The following SRBD1 variants were observed in gnomAD, a reference collection of about 807,000 sequenced individuals.
SRBD1 encodes S1 RNA-binding domain-containing protein 1.
SRBD1 carries 88 observed loss-of-function variants against 115.3 expected under a neutral mutation model. The observed-to-expected ratio is 0.76, with a 90% confidence interval of 0.64 to 0.91. SRBD1 has a LOEUF of 0.91. SRBD1 is among the 40% of genes least tolerant of loss of function. SRBD1 has a pLI of 0.00. For synonymous variants in SRBD1, 509 were observed against 407.7 expected (o/e 1.25, Z -2.99); for missense variants, 1,385 against 1,177.4 (o/e 1.18, Z -2.58).
At chr2:45,392,869 G>A (rs1280536179) in intron 20 of SRBD1, 76 bp downstream of exon 20, 1 of 1,325,598 alleles carries the variant, frequency 7.5e-7, no homozygotes, top group Non-Finnish European at 1.0e-6. Flanking sequence ...TATGGCATAG[G>A]ATTGCTGTGA....
At chr2:45,435,956 C>T (rs1033584016) in intron 16 of SRBD1, among the ~76,000 whole-genome samples, 1 of 152,032 alleles carries the variant, frequency 6.6e-6, no homozygotes. Context: ...AAAGACATTA[C>T]AAGAAAATGA....
chr2:45,484,063 T>C (rs760580091), intron 15 of SRBD1, among the ~76,000 whole-genome samples: 1 of 152,106 alleles, frequency 6.6e-6, no homozygotes, highest in African/African-American at 2.4e-5. Context: ...TCTCTGAGAA[T>C]GTTAAACTTT....
intron 19 of SRBD1, among the ~76,000 whole-genome samples, chr2:45,408,031 T>C (rs767635335): frequency 1.4e-4 from 21 of 152,200 alleles, no homozygotes; most frequent in Admixed American, 2.6e-4. Context: ...ATGTTACATT[T>C]TGATGTATTT....
chr2:45,523,043 A>G (rs1324994559), intron 14 of SRBD1, among the ~76,000 whole-genome samples: 1 of 152,160 alleles, frequency 6.6e-6, no homozygotes, highest in African/African-American at 2.4e-5. Context: ...CAAGCATGTG[A>G]TATAAAGGAT....
At chr2:45,585,112 T>A (rs569421792) in intron 5 of SRBD1, among the ~76,000 whole-genome samples, 1 of 150,636 alleles carries the variant, frequency 6.6e-6, no homozygotes, top group South Asian at 2.1e-4. Context: ...ATTGCACCAC[T>A]GCACTTCAGC....
intron 16 of SRBD1, among the ~76,000 whole-genome samples, chr2:45,446,773 C>T (rs575001277): frequency 6.6e-6 from 1 of 151,246 alleles, no homozygotes; most frequent in South Asian, 2.1e-4. Flanking sequence ...AAACATAGGT[C>T]GCTCTCAAAG....
At chr2:45,600,812 C>A (rs1270838488) in intron 3 of SRBD1, among the ~76,000 whole-genome samples, 1 of 152,132 alleles carries the variant, frequency 6.6e-6, no homozygotes, top group Non-Finnish European at 1.5e-5. Flanking sequence ...ATGAACAATT[C>A]CCAAACTAAA....
intron 14 of SRBD1, among the ~76,000 whole-genome samples, chr2:45,513,082 CTA>C (rs913403795): frequency 3.9e-5 from 6 of 152,102 alleles, no homozygotes; most frequent in African/African-American, 1.4e-4. Context: ...TACCCCTGAG[CTA>C]TATACCCCCA....
At chr2:45,460,312 G>A (rs192839906) in intron 16 of SRBD1, among the ~76,000 whole-genome samples, 151 of 152,230 alleles carry the variant, frequency 9.9e-4, no homozygotes, top group African/African-American at 3.4e-3. Context: ...ACACATATCC[G>A]ACTAGGTTTC....
chr2:45,460,154 A>G (rs993403702), intron 16 of SRBD1, among the ~76,000 whole-genome samples: 1 of 152,114 alleles, frequency 6.6e-6, no homozygotes, highest in Non-Finnish European at 1.5e-5. Context: ...TTTATTCACA[A>G]TCATGCCCTG....
intron 16 of SRBD1, among the ~76,000 whole-genome samples, chr2:45,460,322 C>T (rs1433177335): frequency 2.6e-5 from 4 of 152,120 alleles, no homozygotes; most frequent in Non-Finnish European, 4.4e-5. Context: ...GACTAGGTTT[C>T]AAATCGTAAA....
intron 11 of SRBD1, among the ~76,000 whole-genome samples, chr2:45,552,819 G>A (rs763012978): frequency 1.3e-5 from 2 of 152,110 alleles, no homozygotes; most frequent in African/African-American, 2.4e-5. Context: ...AATAGTACCT[G>A]CTCACTCCCT....
At chr2:45,409,754 A>C (rs890323585) in intron 19 of SRBD1, among the ~76,000 whole-genome samples, 1 of 152,008 alleles carries the variant, frequency 6.6e-6, no homozygotes, top group Non-Finnish European at 1.5e-5. Flanking sequence ...AATTTTAAAA[A>C]CTCCATTTAC....
intron 16 of SRBD1, among the ~76,000 whole-genome samples, chr2:45,423,989 T>A (rs1181384176): frequency 1.3e-5 from 2 of 152,148 alleles, no homozygotes; most frequent in African/African-American, 4.8e-5. Flanking sequence ...AGAATAGTAC[T>A]AAAACTTTAT....
chr2:45,493,732 AT>A (rs1436855638), intron 14 of SRBD1, among the ~76,000 whole-genome samples: 2 of 151,834 alleles, frequency 1.3e-5, no homozygotes, highest in African/African-American at 4.8e-5. Flanking sequence ...AATCGTTTGA[AT>A]CTGGAAGGTG....
At chr2:45,497,415 A>T (rs1235107788) in intron 14 of SRBD1, among the ~76,000 whole-genome samples, 1 of 152,214 alleles carries the variant, frequency 6.6e-6, no homozygotes, top group East Asian at 1.9e-4. Flanking sequence ...TACCAAAAAC[A>T]ACCCACATTT....
At chr2:45,601,875 G>C in intron 3 of SRBD1, 28 bp downstream of exon 3, 2 of 1,611,500 alleles carry the variant, frequency 1.2e-6, no homozygotes, top group East Asian at 2.2e-5. Flanking sequence ...ACACTACAGA[G>C]TTCCCTCTAT....
chr2:45,538,745 T>C (rs1052196867), intron 14 of SRBD1, among the ~76,000 whole-genome samples: 17 of 152,194 alleles, frequency 1.1e-4, no homozygotes, highest in Admixed American at 1.1e-3. Flanking sequence ...ATCTGACATT[T>C]ATAGGTGATA....
intron 19 of SRBD1, among the ~76,000 whole-genome samples, chr2:45,399,340 CA>C (rs1667232384): frequency 1.3e-5 from 2 of 152,150 alleles, no homozygotes; most frequent in African/African-American, 2.4e-5. Flanking sequence ...AATGAGCTTA[CA>C]ATCTAATTTT....
Sources: gnomAD v4.1 joint callset for allele counts (sites outside exome capture counted in the v4.1 genomes callset) on GRCh38, gnomAD v4.1.1 for gene constraint, MANE v1.5 for transcripts, NCBI Gene and HGNC (gene_info 2026-07-23, HGNC 2026-07-21) for gene names.